ZFPM2: variants seen among roughly 807,000 people sequenced by gnomAD.
ZFPM2 encodes zinc finger protein, FOG family member 2.
ZFPM2 carries 20 observed loss-of-function variants against 98.6 expected under a neutral mutation model. That is an observed-to-expected ratio of 0.20 (90% confidence interval 0.14 to 0.29). The LOEUF (loss-of-function observed/expected upper bound fraction) is 0.29. Ranked by LOEUF, ZFPM2 falls within the 10% of genes least tolerant of loss-of-function variation. ZFPM2 has a pLI of 1.00. For synonymous variants in ZFPM2, 518 were observed against 502.7 expected (o/e 1.03, Z -0.41); for missense variants, 1,310 against 1,388.6 (o/e 0.94, Z 0.90).
chr8:105,587,189 A>G (rs1815739454), intron 4 of ZFPM2, among the ~76,000 whole-genome samples: 1 of 148,748 alleles, frequency 6.7e-6, no homozygotes, highest in South Asian at 2.2e-4. Context: ...AGGCAGGAGA[A>G]TGGCATGAAC....
chr8:105,738,249 C>A (rs774571414), intron 5 of ZFPM2, among the ~76,000 whole-genome samples: 1 of 152,004 alleles, frequency 6.6e-6, no homozygotes, highest in Non-Finnish European at 1.5e-5. Context: ...TTTGCTCCTA[C>A]TTATAAGTGA....
chr8:105,659,369 T>C (rs773904965), intron 5 of ZFPM2, among the ~76,000 whole-genome samples: 3 of 152,224 alleles, frequency 2.0e-5, no homozygotes, highest in Non-Finnish European at 4.4e-5. Context: ...ACTAATGTGG[T>C]TGATCTCTTA....
At chr8:105,468,039 A>G (rs1428926969) in intron 3 of ZFPM2, among the ~76,000 whole-genome samples, 2 of 151,588 alleles carry the variant, frequency 1.3e-5, no homozygotes, top group Admixed American at 6.6e-5. Flanking sequence ...CATGTCCCCT[A>G]TCTCATTGTT....
chr8:105,471,645 T>G (rs551238885), intron 3 of ZFPM2, among the ~76,000 whole-genome samples: 1 of 152,284 alleles, frequency 6.6e-6, no homozygotes, highest in South Asian at 2.1e-4. Flanking sequence ...GGTGGTGAGT[T>G]GGAGGAGGTT....
At chr8:105,678,169 A>G (rs1480531280) in intron 5 of ZFPM2, among the ~76,000 whole-genome samples, 1 of 152,196 alleles carries the variant, frequency 6.6e-6, no homozygotes, top group African/African-American at 2.4e-5. Flanking sequence ...GCAGTGAAAG[A>G]AAGAAGCAGT....
At chr8:105,502,617 G>T (rs1208691785) in intron 3 of ZFPM2, among the ~76,000 whole-genome samples, 1 of 152,238 alleles carries the variant, frequency 6.6e-6, no homozygotes, top group East Asian at 1.9e-4. Flanking sequence ...GCAAAAGTTA[G>T]TGGGTAGCAA....
chr8:105,660,640 C>A (rs1040017324), intron 5 of ZFPM2, among the ~76,000 whole-genome samples: 2 of 152,130 alleles, frequency 1.3e-5, no homozygotes, highest in African/African-American at 2.4e-5. Context: ...TATGTACAGA[C>A]AAACATGCTC....
chr8:105,382,588 C>T (rs1356206375), intron 1 of ZFPM2, among the ~76,000 whole-genome samples: 1 of 151,976 alleles, frequency 6.6e-6, no homozygotes, highest in Non-Finnish European at 1.5e-5. Flanking sequence ...TACCAGACTT[C>T]AAAATGTGAA....
At chr8:105,701,189 T>C (rs1054488717) in intron 5 of ZFPM2, among the ~76,000 whole-genome samples, 2 of 152,342 alleles carry the variant, frequency 1.3e-5, no homozygotes, top group Non-Finnish European at 2.9e-5. Context: ...ATATTTGAAA[T>C]ATATTTTTAG....
intron 1 of ZFPM2, among the ~76,000 whole-genome samples, chr8:105,408,453 A>G (rs1260407730): frequency 6.6e-6 from 1 of 151,734 alleles, no homozygotes; most frequent in Non-Finnish European, 1.5e-5. Flanking sequence ...GAGCGGATTG[A>G]ACATGTTGAT....
chr8:105,773,418 G>C (rs1168144931), intron 5 of ZFPM2, among the ~76,000 whole-genome samples: 1 of 152,006 alleles, frequency 6.6e-6, no homozygotes, highest in African/African-American at 2.4e-5. Flanking sequence ...TTTAGATGTA[G>C]AAGTAATAAG....
chr8:105,507,334 C>A (rs1166049353), intron 3 of ZFPM2, among the ~76,000 whole-genome samples: 1 of 152,080 alleles, frequency 6.6e-6, no homozygotes, highest in East Asian at 1.9e-4. Flanking sequence ...GTGAGAATTT[C>A]TTCATGAATC....
rs573691165 is a variant in ZFPM2 at position 105,584,868 on chromosome 8, T to C, written c.420+23387T>C. Among the ~76,000 whole-genome samples the C allele has an allele frequency of 5.9e-5, 9 of 152,320 alleles. No homozygotes were observed. In the East Asian group the frequency reaches 1.7e-3, roughly 29 times the overall value. Reference sequence around the variant, plus strand: ...AATAGAACTGTTATTTGTAACTCTATGTTTCTGTCTTTAAAGGTAGAACGT... The same window carrying C: ...AATAGAACTGTTATTTGTAACTCTACGTTTCTGTCTTTAAAGGTAGAACGT... On this transcript the variant is annotated intron_variant, in intron 4 of 7. Coordinates refer to ENST00000407775, the MANE Select transcript of ZFPM2 (RefSeq NM_012082.4).
At chr8:105,560,274 C>T (rs1351890808) in intron 3 of ZFPM2, among the ~76,000 whole-genome samples, 5 of 151,446 alleles carry the variant, frequency 3.3e-5, no homozygotes, top group Non-Finnish European at 5.9e-5. Flanking sequence ...TTAAAATTGA[C>T]GCAAAAGTAA....
At chr8:105,725,615 G>A (rs1394632793) in intron 5 of ZFPM2, among the ~76,000 whole-genome samples, 2 of 151,720 alleles carry the variant, frequency 1.3e-5, no homozygotes, top group African/African-American at 4.8e-5. Flanking sequence ...AATTCATGCT[G>A]TGTCATTTGA....
intron 1 of ZFPM2, among the ~76,000 whole-genome samples, chr8:105,351,571 G>C (rs1812647741): frequency 6.6e-6 from 1 of 152,094 alleles, no homozygotes; most frequent in Non-Finnish European, 1.5e-5. Context: ...ATTGCCATGA[G>C]ATACATTAAC....
At chr8:105,483,039 T>TTCCTTCCTTCG (rs2069494941) in intron 3 of ZFPM2, among the ~76,000 whole-genome samples, 15 of 49,898 alleles carry the variant, frequency 3.0e-4, no homozygotes, top group Non-Finnish European at 4.8e-4. Context: ...TCCTTCCTTC[T>TTCCTTCCTTCG]TTATTTTAAC....
chr8:105,790,854 C>A (rs1813587675), intron 6 of ZFPM2, among the ~76,000 whole-genome samples: 1 of 152,154 alleles, frequency 6.6e-6, no homozygotes, highest in African/African-American at 2.4e-5. Flanking sequence ...CTCTTTGAAG[C>A]AATTGTGAAT....
rs1813984562 is a variant in ZFPM2, at chr8:105,801,039, C to T, written c.965-8C>T. ...TTCTCATTGTTCTTATTTTGTATGTCTCTCTAGGAGTGAAAATGGAAGAAT... is the reference window on the plus strand; with the variant it reads ...TTCTCATTGTTCTTATTTTGTATGTTTCTCTAGGAGTGAAAATGGAAGAAT... On this transcript the variant is annotated splice_polypyrimidine_tract_variant and splice_region_variant and intron_variant, in intron 7 of 7. Coordinates refer to ENST00000407775, the MANE Select transcript of ZFPM2 (RefSeq NM_012082.4). The T allele has an allele frequency of 1.3e-6, 2 of 1,598,376 alleles. No homozygotes were observed. The highest frequency in any genetic ancestry group is 1.7e-6 in the Non-Finnish European group (2 of 1,172,320).
Sources: allele counts gnomAD v4.1 joint callset (sites outside exome capture counted in the v4.1 genomes callset), GRCh38; gene constraint gnomAD v4.1.1; transcripts MANE v1.5; gene names NCBI Gene and HGNC (gene_info 2026-07-23, HGNC 2026-07-21).